Variants in MARCHF1 observed in about 807,000 individuals in gnomAD.
The protein encoded by MARCHF1 is membrane associated ring-CH-type finger 1.
In MARCHF1, 40 loss-of-function variants were observed where a neutral mutation model predicts 54.2. The ratio of observed to expected loss-of-function variants is 0.74; its 90% confidence interval spans 0.57 to 0.96. MARCHF1 has a LOEUF of 0.96. Ranked by LOEUF, MARCHF1 falls within the 40% of genes least tolerant of loss-of-function variation. MARCHF1 has a pLI of 0.00. For missense variants in MARCHF1, 586 were observed against 656.5 expected, an observed-to-expected ratio of 0.89 and a Z score of 1.17; for synonymous variants, 236 against 236.3, an observed-to-expected ratio of 1.00 and a Z score of 0.01.
chr4:163,960,033 C>T (rs1560837169), intron 3 of MARCHF1, among the ~76,000 whole-genome samples: 1 of 151,906 alleles, frequency 6.6e-6, no homozygotes, highest in Admixed American at 6.6e-5. Flanking sequence ...AATATACATG[C>T]GGCCAACAAG....
chr4:164,132,558 G>C (rs980638404), intron 1 of MARCHF1, among the ~76,000 whole-genome samples: 1 of 152,028 alleles, frequency 6.6e-6, no homozygotes, highest in African/African-American at 2.4e-5. Context: ...AGTTAAGATG[G>C]CGACTGCAAG....
intron 4 of MARCHF1, among the ~76,000 whole-genome samples, chr4:163,830,245 C>T (rs77206080): frequency 0.032 from 4,812 of 151,040 alleles, 99 homozygotes; most frequent in Middle Eastern, 0.048. Context: ...TCTCTTTTTA[C>T]GCTGCTTTTT....
In MARCHF1 at chr4:164,325,653, C is replaced by T. The variant is rs572562817; in HGVS notation, c.-323+58217G>A. The stretch of plus-strand genomic sequence containing the variant: ...CTGAGGCAGGAGAATCGCTTGAACC[C>T]AGGAGGTGGAAGTTGCAGTGAGCCA... On this transcript the variant is annotated intron_variant, in intron 1 of 9. Transcript: ENST00000514618. Among the ~76,000 whole-genome samples, 220 of 151,834 alleles carry T rather than the reference C, an allele frequency of 1.4e-3. 2 individuals carry two copies. The highest frequency in any genetic ancestry group is 5.0e-3 in the African/African-American group (208 of 41,444).
intron 5 of MARCHF1, among the ~76,000 whole-genome samples, chr4:163,673,620 C>T (rs756693078): frequency 6.6e-6 from 1 of 151,840 alleles, no homozygotes; most frequent in Non-Finnish European, 1.5e-5. Flanking sequence ...GTTGTAACAT[C>T]TAAATAAAGA....
chr4:163,556,091 C>A, intron 8 of MARCHF1: 1 of 346,694 alleles, frequency 2.9e-6, no homozygotes, highest in Admixed American at 3.3e-5. Context: ...TATTAGATGA[C>A]ATTATTAGAT....
At chr4:163,574,936 C>T (rs1319505608) in intron 8 of MARCHF1, among the ~76,000 whole-genome samples, 2 of 151,808 alleles carry the variant, frequency 1.3e-5, no homozygotes, top group South Asian at 2.1e-4. Context: ...ATTGATTCTT[C>T]CTACCCATGA....
rs542510293 is a variant in MARCHF1 at position 163,803,990 on chromosome 4, C to T, written c.111+50031G>A. Among the ~76,000 whole-genome samples the T allele has an allele frequency of 1.4e-4, 22 of 152,148 alleles. No individual in the cohort carries two copies. In the East Asian group the frequency reaches 2.5e-3, roughly 17 times the overall value. On this transcript the variant is annotated intron_variant, in intron 4 of 9. Transcript: ENST00000514618. ...GGCATGTTTTTATTTATTTATTTTTCGCAGTATACCCTTTCTTTTCTAGAC... is the reference window on the plus strand; with the variant it reads ...GGCATGTTTTTATTTATTTATTTTTTGCAGTATACCCTTTCTTTTCTAGAC...
intron 1 of MARCHF1, among the ~76,000 whole-genome samples, chr4:164,124,695 G>A (rs547716725): frequency 9.9e-5 from 15 of 152,218 alleles, no homozygotes; most frequent in African/African-American, 3.4e-4. Flanking sequence ...AACATTGCAT[G>A]TTCTCACTTG....
intron 3 of MARCHF1, among the ~76,000 whole-genome samples, chr4:163,931,771 T>A (rs181761867): frequency 8.5e-5 from 13 of 152,278 alleles, no homozygotes; most frequent in African/African-American, 3.1e-4. Flanking sequence ...GAAAAAGAAT[T>A]CTTCCAAGAA....
intron 2 of MARCHF1, among the ~76,000 whole-genome samples, chr4:164,105,043 G>T (rs1182375508): frequency 2.1e-5 from 1 of 48,296 alleles, no homozygotes; most frequent in African/African-American, 5.2e-5. Context: ...AAATACCTAG[G>T]AATCCAACTT....
At chr4:164,297,893 C>T (rs1422110350) in intron 1 of MARCHF1, among the ~76,000 whole-genome samples, 1 of 152,224 alleles carries the variant, frequency 6.6e-6, no homozygotes, top group African/African-American at 2.4e-5. Context: ...ACTCAATTTA[C>T]CTGAAGTAGA....
chr4:164,183,249 A>G (rs1178773350), intron 1 of MARCHF1, among the ~76,000 whole-genome samples: 2 of 152,158 alleles, frequency 1.3e-5, no homozygotes, highest in Non-Finnish European at 2.9e-5. Context: ...ACTCTACATA[A>G]TCATACTTAT....
At chr4:164,050,001 G>A (rs956226312) in intron 2 of MARCHF1, among the ~76,000 whole-genome samples, 11 of 152,136 alleles carry the variant, frequency 7.2e-5, no homozygotes, top group Admixed American at 5.2e-4. Flanking sequence ...TAGGCCAGGA[G>A]CAGTAGCTCA....
chr4:164,148,333 A>G (rs1177820640), intron 1 of MARCHF1, among the ~76,000 whole-genome samples: 1 of 152,160 alleles, frequency 6.6e-6, no homozygotes, highest in East Asian at 1.9e-4. Flanking sequence ...AAATGACAGC[A>G]GATAATTCAG....
intron 1 of MARCHF1, among the ~76,000 whole-genome samples, chr4:164,377,095 T>C (rs1194061292): frequency 6.6e-6 from 1 of 152,174 alleles, no homozygotes; most frequent in Non-Finnish European, 1.5e-5. Context: ...GTGTCCCAAA[T>C]AGTCAGTGAT....
At chr4:164,245,431 G>T (rs1437060434) in intron 1 of MARCHF1, among the ~76,000 whole-genome samples, 2 of 152,138 alleles carry the variant, frequency 1.3e-5, no homozygotes, top group Non-Finnish European at 2.9e-5. Context: ...AATAAATTAG[G>T]TATTGATGGG....
chr4:163,904,087 T>C (rs894752818), intron 3 of MARCHF1, among the ~76,000 whole-genome samples: 3 of 152,210 alleles, frequency 2.0e-5, no homozygotes, highest in South Asian at 2.1e-4. Flanking sequence ...GTCATACTTA[T>C]AAGAATTACT....
At chr4:164,242,561 A>C (rs1427550452) in intron 1 of MARCHF1, among the ~76,000 whole-genome samples, 5 of 152,172 alleles carry the variant, frequency 3.3e-5, no homozygotes, top group Admixed American at 6.5e-5. Context: ...AACTCTAAAA[A>C]GCAGAGCGCC....
chr4:163,710,704 A>G (rs1745083227), intron 4 of MARCHF1, among the ~76,000 whole-genome samples: 1 of 152,142 alleles, frequency 6.6e-6, no homozygotes, highest in Non-Finnish European at 1.5e-5. Flanking sequence ...AAAATAATAT[A>G]GTAAAATGAT....
Sources: gnomAD v4.1 joint callset for allele counts (sites outside exome capture counted in the v4.1 genomes callset) on GRCh38, gnomAD v4.1.1 for gene constraint, MANE v1.5 for transcripts, NCBI Gene and HGNC (gene_info 2026-07-23, HGNC 2026-07-21) for gene names.